Variants in PIK3C2G observed in about 807,000 individuals in gnomAD.
The protein encoded by PIK3C2G is phosphatidylinositol 3-kinase C2 domain-containing subunit gamma.
A neutral mutation model predicts 181.1 loss-of-function variants in PIK3C2G; 168 were observed. The ratio of observed to expected loss-of-function variants is 0.93; its 90% CI spans 0.82 to 1.05. PIK3C2G has a LOEUF of 1.05. Among genes scored for constraint, PIK3C2G ranks in the 50% least tolerant of loss-of-function variants. The probability of loss-of-function intolerance (pLI) is 0.00; values close to 1 mark genes in which losing one functional copy is unlikely to be tolerated. For missense variants in PIK3C2G, 1,869 were observed against 1,732.8 expected (o/e 1.08, Z -1.40); for synonymous variants, 573 against 592.2 (o/e 0.97, Z 0.47).
chr12:18,423,947 T>G lies in PIK3C2G; in HGVS notation c.2412T>G (p.Ala804=). The change falls in exon 18 of 33, where the codon GCT becomes GCG. Residue 804 remains alanine, a splice_region_variant and synonymous_variant. Transcript: ENST00000538779. ...LLEYLPQLVQ[A]VKFEWNLESP... ...AGTAATTGTGTCTCTTACTTCAGGC[T>G]GTCAAGTTTGAATGGAACCTTGAGA... The G allele has an allele frequency of 1.2e-6, 2 of 1,601,168 alleles. No homozygotes were observed. The highest frequency in any genetic ancestry group is 3.4e-5 in the Admixed American group (2 of 59,416).
intron 16 of PIK3C2G, among the ~76,000 whole-genome samples, chr12:18,419,921 C>A (rs1453760896): frequency 6.6e-6 from 1 of 152,058 alleles, no homozygotes; most frequent in Non-Finnish European, 1.5e-5. Context: ...AAAACACTGA[C>A]CATTAAAGAC....
intron 29 of PIK3C2G, among the ~76,000 whole-genome samples, chr12:18,579,350 T>G (rs1356574695): frequency 4.6e-5 from 7 of 152,236 alleles, no homozygotes; most frequent in Non-Finnish European, 1.5e-5. Context: ...TATTATTATG[T>G]GCCCTTCTAG....
At chr12:18,702,281 C>T in the PIK3C2G span, among the ~76,000 whole-genome samples, 1 of 151,926 alleles carries the variant, frequency 6.6e-6, no homozygotes, top group Non-Finnish European at 1.5e-5. Flanking sequence ...TTCTGTATTA[C>T]ACATAAACAT....
Position 18,594,545 on chromosome 12 carries a change from G to A in PIK3C2G, c.4063G>A (p.Glu1355Lys), listed in dbSNP as rs755020029. 2.0e-5 allele frequency: 31 copies of A among 1,551,826 alleles called. No individual in the cohort carries two copies. The highest frequency in any genetic ancestry group is 4.1e-5 in the Admixed American group (2 of 48,424). Residue 1355 changes from glutamate to lysine, a missense_variant, in exon 30 of 33, where the codon GAA becomes AAA. Transcript: ENST00000538779. ...FLSEAVQQTVEESSPVYLGEK... is the reference protein window; with the variant it reads ...FLSEAVQQTVKESSPVYLGEK... ...CTCTGAGGCTGTGCAACAAACAGTT[G>A]AAGAATCATCACCTGTGTACCTAGG...
chr12:18,663,319 G>A, the PIK3C2G span, among the ~76,000 whole-genome samples: 1 of 152,066 alleles, frequency 6.6e-6, no homozygotes, highest in Non-Finnish European at 1.5e-5. Context: ...CCTGTTTTTA[G>A]AAAACCATGA....
chr12:18,663,073 C>A, the PIK3C2G span, among the ~76,000 whole-genome samples: 1 of 151,968 alleles, frequency 6.6e-6, no homozygotes, highest in African/African-American at 2.4e-5. Context: ...GGAAAACTAC[C>A]TCAGCATAAT....
At chr12:18,536,597 A>T (rs555642407) in intron 24 of PIK3C2G, among the ~76,000 whole-genome samples, 1 of 152,106 alleles carries the variant, frequency 6.6e-6, no homozygotes, top group African/African-American at 2.4e-5. Context: ...TGTGTCAGGC[A>T]TTTATGTACA....
intron 1 of PIK3C2G, among the ~76,000 whole-genome samples, chr12:18,264,587 T>C (rs1012694579): frequency 3.3e-5 from 5 of 152,258 alleles, no homozygotes; most frequent in African/African-American, 9.6e-5. Context: ...TCCTTTGTTG[T>C]GATATTTTTT....
intron 29 of PIK3C2G, among the ~76,000 whole-genome samples, chr12:18,567,914 T>C (rs1293539421): frequency 6.6e-6 from 1 of 152,164 alleles, no homozygotes; most frequent in Non-Finnish European, 1.5e-5. Context: ...GGTTCTGGAA[T>C]CTTTTCAATT....
chr12:18,398,254 A>G (rs901738735), intron 15 of PIK3C2G, among the ~76,000 whole-genome samples: 15 of 152,230 alleles, frequency 9.9e-5, no homozygotes, highest in Admixed American at 2.0e-4. Context: ...AGCTAAAAAA[A>G]AGAAAGAAAG....
At chr12:18,568,455 T>G (rs778987005) in intron 29 of PIK3C2G, among the ~76,000 whole-genome samples, 1 of 151,372 alleles carries the variant, frequency 6.6e-6, no homozygotes, top group Non-Finnish European at 1.5e-5. Context: ...AAGAAGAAAT[T>G]TGTTTAATTG....
chr12:18,675,427 T>C, the PIK3C2G span, among the ~76,000 whole-genome samples: 1 of 152,168 alleles, frequency 6.6e-6, no homozygotes, highest in Non-Finnish European at 1.5e-5. Flanking sequence ...GGTGGGAATG[T>C]AAATTAGTAC....
intron 18 of PIK3C2G, among the ~76,000 whole-genome samples, chr12:18,472,794 G>C (rs1938578072): frequency 6.6e-6 from 1 of 151,980 alleles, no homozygotes; most frequent in African/African-American, 2.4e-5. Context: ...CCACCTCCTG[G>C]GTTCAAGCAA....
intron 8 of PIK3C2G, among the ~76,000 whole-genome samples, chr12:18,334,080 C>G (rs1938262439): frequency 6.6e-6 from 1 of 152,126 alleles, no homozygotes; most frequent in Admixed American, 6.5e-5. Flanking sequence ...CAACGATAAG[C>G]TTAGAATATA....
chr12:18,421,048 A>G lies in PIK3C2G; in HGVS notation c.2409+14A>G. 2 of 1,398,844 alleles carry G rather than the reference A, an allele frequency of 1.4e-6. No individual in the cohort carries two copies. The highest frequency in any genetic ancestry group is 2.0e-6 in the Non-Finnish European group (2 of 986,368). 86.7% of individuals were successfully genotyped at this position (1,398,844 alleles called of 1,614,324 possible). The stretch of plus-strand genomic sequence containing the variant: ...CAGCTAGTTCAGGTAAGAATAGAAG[A>G]GTTGCTAAGGAAACCCAGGGTTTTA... On this transcript the variant is annotated intron_variant, in intron 17 of 32. Coordinates refer to ENST00000538779, the MANE Select transcript of PIK3C2G (RefSeq NM_001288772.2).
At chr12:18,517,031 C>CTTTT (rs3983627) in intron 24 of PIK3C2G, among the ~76,000 whole-genome samples, 26 of 139,762 alleles carry the variant, frequency 1.9e-4, no homozygotes, top group Admixed American at 9.3e-4. Flanking sequence ...TTTGCTTTTC[C>CTTTT]TTTTTTTTTT....
At chr12:18,302,183 G>C (rs913617409) in intron 5 of PIK3C2G, among the ~76,000 whole-genome samples, 4 of 152,168 alleles carry the variant, frequency 2.6e-5, no homozygotes, top group African/African-American at 9.7e-5. Context: ...CTGATGCTTG[G>C]GCTCCCAGGT....
At chr12:18,635,842 A>G (rs994978441) in intron 31 of PIK3C2G, among the ~76,000 whole-genome samples, 1 of 152,174 alleles carries the variant, frequency 6.6e-6, no homozygotes, top group Admixed American at 6.5e-5. Flanking sequence ...AATGAGGAGT[A>G]TGTTGCATCC....
At chr12:18,372,035 T>C (rs1942099189) in intron 13 of PIK3C2G, among the ~76,000 whole-genome samples, 1 of 152,202 alleles carries the variant, frequency 6.6e-6, no homozygotes, top group Non-Finnish European at 1.5e-5. Context: ...AGCATATTTT[T>C]CCCTCTGCTG....
Sources: gnomAD v4.1 joint callset for allele counts (sites outside exome capture counted in the v4.1 genomes callset) on GRCh38, gnomAD v4.1.1 for gene constraint, MANE v1.5 for transcripts, NCBI Gene and HGNC (gene_info 2026-07-23, HGNC 2026-07-21) for gene names.